KIF17: variants seen among roughly 807,000 people sequenced by gnomAD.
KIF17 encodes the protein kinesin family member 17.
A neutral mutation model predicts 96.8 loss-of-function variants in KIF17; 80 were observed. The ratio of observed to expected loss-of-function variants is 0.83; its 90% CI spans 0.69 to 1.00. The LOEUF (loss-of-function observed/expected upper bound fraction) is 1.00, where lower values mean the gene tolerates loss of function less well. Ranked by LOEUF, KIF17 falls within the 50% of genes least tolerant of loss-of-function variation. KIF17 has a pLI of 0.00. For synonymous variants in KIF17, 567 were observed against 587.5 expected (o/e 0.97, Z 0.51); for missense variants, 1,280 against 1,372.9 (o/e 0.93, Z 1.07).
In KIF17 at chr1:20,685,519, G is replaced by A. The variant is rs1420690486; in HGVS notation, c.2020-499C>T. Among the ~76,000 whole-genome samples, 3 of 151,910 alleles carry A rather than the reference G, an allele frequency of 2.0e-5. No homozygotes were observed. The highest frequency in any genetic ancestry group is 2.1e-4 in the South Asian group (1 of 4,828). ...TTCCCCCCGTCCCTCCTTCACGCCT[G>A]GGTCCCACCCCAGAGTCACTTCCTA... is the stretch of plus-strand genomic sequence containing the variant. On this transcript the variant is annotated intron_variant, in intron 9 of 14. Coordinates refer to ENST00000400463, the MANE Select transcript of KIF17 (RefSeq NM_001122819.3). The surrounding 1 kb of genome is among the most constrained non-coding windows in gnomAD (Gnocchi z 4.1).
Position 20,713,511 on chromosome 1 carries a change from C to T in KIF17, c.423G>A (p.Glu141=). 3 of 1,613,248 alleles carry T rather than the reference C, an allele frequency of 1.9e-6. No homozygotes were observed. Among genetic ancestry groups the T allele is most frequent in the African/African-American group, 2.7e-5 (2 of 74,820 alleles). The part of the protein sequence containing the change: ...TKFLVRASYL[E]IYNEDVRDLL... ...GGTCCCGGACATCTTCATTGTAGAT[C>T]TCCAGGTAGGAGGCCCGGACCAGGA... Residue 141 remains glutamate (E), a synonymous_variant, in exon 3 of 15, where the codon GAG becomes GAA. Transcript: ENST00000400463.
At position 20,717,758 on chromosome 1, in the gene KIF17, G is replaced by A. The variant is rs769225111; in HGVS notation, c.-52C>T. The A allele has an allele frequency of 3.2e-5, 48 of 1,499,184 alleles. No individual in the cohort carries two copies. In the Admixed American group the frequency reaches 3.6e-4, roughly 11 times the overall value. 92.9% of individuals were successfully genotyped at this position (1,499,184 alleles called of 1,614,324 possible). A position where few individuals can be genotyped will look rare whatever the true frequency, so the allele number is the denominator to read the frequency against. ...CAGAGCTGACCCCCGCCCCGCCGGG[G>A]ACTCCCAGCAGCCCGGGCCAAGGGG... On this transcript the variant is annotated 5_prime_UTR_variant, in exon 1 of 15. Coordinates refer to ENST00000400463, the MANE Select transcript of KIF17 (RefSeq NM_001122819.3).
Position 20,700,389 on chromosome 1 carries a change from A to G in KIF17, c.1124-1901T>C, listed in dbSNP as rs1038851233. On this transcript the variant is annotated intron_variant, in intron 5 of 14. Coordinates refer to ENST00000400463, the MANE Select transcript of KIF17 (RefSeq NM_001122819.3). This position sits in a 1 kb window ranked among gnomAD's most constrained non-coding sequence, Gnocchi z 4.6. Reference sequence around the variant, plus strand: ...CCCGGCCAGGCTGTAGCCAGTTTTGAAGGTGGAGATGGCAGGATCTGCTGA... The same window carrying G: ...CCCGGCCAGGCTGTAGCCAGTTTTGGAGGTGGAGATGGCAGGATCTGCTGA... Among the ~76,000 whole-genome samples, 1 of 152,094 alleles carries G rather than the reference A, an allele frequency of 6.6e-6. No homozygotes were observed. The highest frequency in any genetic ancestry group is 6.6e-5 in the Admixed American group (1 of 15,266).
chr1:20,708,089 G>A (rs1265441392), intron 4 of KIF17, among the ~76,000 whole-genome samples: 2 of 151,836 alleles, frequency 1.3e-5, no homozygotes, highest in Non-Finnish European at 2.9e-5. Context: ...AGACCAAGAG[G>A]TGCCCCCTAA....
chr1:20,672,115 G>A lies in KIF17; in HGVS notation c.2545C>T (p.Arg849Trp), dbSNP rs1340945762. Reference protein sequence around the residue: ...EKIDYLATIRRQERDSMLLQQ... With the variant: ...EKIDYLATIRWQERDSMLLQQ... ...AAGAGCATGGAGTCACGCTCCTGCC[G>A]GCGGATGGTGGCCAAGTAATCGATC... is the stretch of plus-strand genomic sequence containing the variant. Residue 849 changes from arginine to tryptophan, a missense_variant, in exon 12 of 15, where the codon CGG becomes TGG. Physicochemically the swap from Arg to Trp is moderately radical, Grantham distance 101 (BLOSUM62 -3). Transcript: ENST00000400463. This position sits in a 1 kb window ranked among gnomAD's most constrained non-coding sequence, Gnocchi z 4.3. 51 of 1,614,042 alleles carry A rather than the reference G, an allele frequency of 3.2e-5. No individual in the cohort carries two copies. The highest frequency in any genetic ancestry group is 4.2e-5 in the Non-Finnish European group (49 of 1,180,042).
intron 5 of KIF17, among the ~76,000 whole-genome samples, chr1:20,701,605 G>A (rs2054237631): frequency 6.6e-6 from 1 of 152,196 alleles, no homozygotes; most frequent in Non-Finnish European, 1.5e-5. Context: ...AGAGGCCAGG[G>A]AGCAGGGACG....
chr1:20,666,008 A>G (rs1205453447), intron 14 of KIF17, among the ~76,000 whole-genome samples: 1 of 152,190 alleles, frequency 6.6e-6, no homozygotes, highest in Non-Finnish European at 1.5e-5. Context: ...TGTACTGAGC[A>G]CCAGCGCCCG....
intron 11 of KIF17, among the ~76,000 whole-genome samples, chr1:20,676,401 C>T (rs540690861): frequency 6.6e-6 from 1 of 151,986 alleles, no homozygotes; most frequent in Non-Finnish European, 1.5e-5. Flanking sequence ...AGAGTTTCTA[C>T]ATGTAGAAAA....
At position 20,707,781 on chromosome 1, in the gene KIF17, A is replaced by ATG. The variant is rs1436276510; in HGVS notation, c.670+1856_670+1857dup. 1.2e-3 allele frequency among the ~76,000 whole-genome samples: 109 copies of ATG among 90,934 alleles called. 3 individuals carry two copies. Among genetic ancestry groups the ATG allele is most frequent in the African/African-American group, 4.1e-3 (81 of 19,956 alleles). 59.7% of individuals were successfully genotyped at this position (90,934 alleles called of 152,430 possible). On this transcript the variant is annotated intron_variant, in intron 4 of 14. Transcript: ENST00000400463. ...CTGTCTCAAAAAAAAAAACAAACCA[A>ATG]TGTGTATGTGTGTGTGTGTGTGTGT...
intron 10 of KIF17, among the ~76,000 whole-genome samples, chr1:20,683,854 C>T (rs1347928889): frequency 6.6e-6 from 1 of 151,546 alleles, no homozygotes; most frequent in East Asian, 1.9e-4. Context: ...GGTGCTGTGC[C>T]CTTTCTCTAG....
intron 3 of KIF17, among the ~76,000 whole-genome samples, chr1:20,711,683 G>A (rs2054439226): frequency 6.6e-6 from 1 of 152,164 alleles, no homozygotes; most frequent in Non-Finnish European, 1.5e-5. Context: ...ACAGTGGCTA[G>A]GGGGAGGGGA....
intron 4 of KIF17, among the ~76,000 whole-genome samples, chr1:20,706,484 A>G (rs12407820): frequency 0.43 from 64,778 of 151,776 alleles, 17,044 homozygotes; most frequent in Non-Finnish European, 0.6. Flanking sequence ...CCAGCTACTC[A>G]GGAGGCTGAG....
At chr1:20,679,219 C>G (rs188192100) in intron 11 of KIF17, among the ~76,000 whole-genome samples, 3 of 152,132 alleles carry the variant, frequency 2.0e-5, no homozygotes, top group African/African-American at 7.2e-5. Context: ...GCAAGAGAAT[C>G]GTTTGAGCCT....
chr1:20,710,673 G>C (rs1401577322), intron 3 of KIF17, among the ~76,000 whole-genome samples: 1 of 152,184 alleles, frequency 6.6e-6, no homozygotes, highest in Non-Finnish European at 1.5e-5. Flanking sequence ...TTTGCTCCCA[G>C]CAGCTCTAGG....
At position 20,687,073 on chromosome 1, in the gene KIF17, A is replaced by G. The variant is rs367822169; in HGVS notation, c.1938+315T>C. On this transcript the variant is annotated intron_variant, in intron 8 of 14. Transcript: ENST00000400463. This position sits in a 1 kb window ranked among gnomAD's most constrained non-coding sequence, Gnocchi z 4.4. The stretch of plus-strand genomic sequence containing the variant: ...TCAGGCCTGGACACTCACTGTAACC[A>G]TGGCAACTGGGCAAACGCCCTGTAC... 1.3e-4 allele frequency among the ~76,000 whole-genome samples: 20 copies of G among 152,268 alleles called. No homozygotes were observed. In the East Asian group the frequency reaches 3.9e-3, roughly 29 times the overall value.
At chr1:20,676,817 C>T (rs917639351) in intron 11 of KIF17, among the ~76,000 whole-genome samples, 11 of 151,914 alleles carry the variant, frequency 7.2e-5, no homozygotes, top group African/African-American at 1.9e-4. Context: ...GGCAAAAGAA[C>T]GAAACTCCAT....
intron 2 of KIF17, among the ~76,000 whole-genome samples, chr1:20,713,879 AAAC>A (rs2054527326): frequency 6.6e-6 from 1 of 151,818 alleles, no homozygotes; most frequent in Non-Finnish European, 1.5e-5. Flanking sequence ...AACAAACAAA[AAAC>A]AAACAAAACA....
rs34777403 is a variant in KIF17, at chr1:20,674,575, C to CTTTTT, written c.2464-2384_2464-2380dup. On this transcript the variant is annotated intron_variant, in intron 11 of 14. Coordinates refer to ENST00000400463, the MANE Select transcript of KIF17 (RefSeq NM_001122819.3). ...CCACTGCACCATCCAATTTATCCCT[C>CTTTTT]TTTTTTTTTTTTTTTTAAGTAACTT... Among the ~76,000 whole-genome samples, 34 of 142,306 alleles carry CTTTTT rather than the reference C, an allele frequency of 2.4e-4. 2 individuals are homozygous for CTTTTT. Among genetic ancestry groups the CTTTTT allele is most frequent in the Middle Eastern group, 7.5e-3 (2 of 268 alleles). The allele number at this position is 142,306 out of a possible 152,430, so 93.4% of individuals were successfully genotyped here.
intron 6 of KIF17, among the ~76,000 whole-genome samples, chr1:20,695,862 C>T (rs778297719): frequency 1.3e-5 from 2 of 152,192 alleles, no homozygotes; most frequent in African/African-American, 4.8e-5. Context: ...CTTGGCCCCA[C>T]ATCCCCCTCC....
Sources: gnomAD v4.1 joint callset for allele counts (sites outside exome capture counted in the v4.1 genomes callset) on GRCh38, gnomAD v4.1.1 for gene constraint, Gnocchi (gnomAD v3.1) non-coding constraint, MANE v1.5 for transcripts, NCBI Gene and HGNC (gene_info 2026-07-23, HGNC 2026-07-21) for gene names.